Variants in DPP10 observed in about 807,000 individuals in gnomAD.
DPP10 encodes dipeptidyl peptidase like 10.
Under a neutral mutation model 120.9 loss-of-function variants are expected in DPP10, and 33 were observed. The observed-to-expected ratio is 0.27, with a 90% CI of 0.21 to 0.37. DPP10 has a LOEUF of 0.37. Among genes scored for constraint, DPP10 ranks in the 10% least tolerant of loss-of-function variants. The pLI is 1.00. For synonymous variants in DPP10, 337 were observed against 326.1 expected (o/e 1.03, Z -0.36); for missense variants, 816 against 942.8 (o/e 0.87, Z 1.76).
At chr2:114,624,591 C>T (rs998097718) in intron 1 of DPP10, among the ~76,000 whole-genome samples, 1 of 151,798 alleles carries the variant, frequency 6.6e-6, no homozygotes, top group African/African-American at 2.4e-5. Flanking sequence ...TTAAAAGAGA[C>T]ATTTTTAGAC....
intron 21 of DPP10, among the ~76,000 whole-genome samples, chr2:115,827,396 G>A (rs1336139002): frequency 4.8e-5 from 3 of 62,696 alleles, no homozygotes; most frequent in African/African-American, 1.3e-4. Flanking sequence ...AACTGTGTGT[G>A]TGTGTGTATG....
intron 1 of DPP10, among the ~76,000 whole-genome samples, chr2:115,123,374 T>C: frequency 6.6e-6 from 1 of 152,198 alleles, no homozygotes. Flanking sequence ...CCATTTATTC[T>C]TCCCTTGGGG....
chr2:114,808,768 C>T (rs1351586848), intron 1 of DPP10, among the ~76,000 whole-genome samples: 1 of 152,060 alleles, frequency 6.6e-6, no homozygotes, highest in African/African-American at 2.4e-5. Context: ...CCTGCTCTTT[C>T]CTCTCCTGGA....
chr2:114,849,341 A>G (rs111519858), intron 1 of DPP10, among the ~76,000 whole-genome samples: 28 of 150,286 alleles, frequency 1.9e-4, no homozygotes, highest in Non-Finnish European at 4.1e-4. Context: ...CTATATATAT[A>G]TTTTTTTAAA....
At chr2:114,820,294 G>C (rs1240224151) in intron 1 of DPP10, among the ~76,000 whole-genome samples, 1 of 152,244 alleles carries the variant, frequency 6.6e-6, no homozygotes, top group Admixed American at 6.5e-5. Context: ...GTAAGAGGCA[G>C]AGGCAATAAT....
chr2:114,658,256 G>A (rs539982545), intron 1 of DPP10, among the ~76,000 whole-genome samples: 1 of 152,230 alleles, frequency 6.6e-6, no homozygotes, highest in East Asian at 1.9e-4. Context: ...GGAGATAAAG[G>A]ATATTTGACA....
chr2:115,045,765 G>A lies in DPP10; in HGVS notation c.61-263474G>A, dbSNP rs564579709. Among the ~76,000 whole-genome samples the A allele has an allele frequency of 6.6e-5, 10 of 152,196 alleles. No homozygotes were observed. In the South Asian group the frequency reaches 2.1e-3, roughly 32 times the overall value. On this transcript the variant is annotated intron_variant, in intron 1 of 25. Transcript: ENST00000410059. ...ATTGTAATCACTCATCCAAGTTTTG[G>A]TTCTTCTGAAGGTGCTTTCTTGTGT...
chr2:114,937,022 A>AT (rs1470465539), intron 1 of DPP10, among the ~76,000 whole-genome samples: 3 of 151,724 alleles, frequency 2.0e-5, no homozygotes, highest in African/African-American at 4.8e-5. Context: ...GATTGTGAAG[A>AT]TTTTTTTCTC....
At chr2:115,826,443 C>T (rs977521739) in intron 21 of DPP10, among the ~76,000 whole-genome samples, 10 of 152,040 alleles carry the variant, frequency 6.6e-5, no homozygotes, top group African/African-American at 1.2e-4. Flanking sequence ...TGACCTTGGC[C>T]GGGCATGGTG....
chr2:114,646,756 C>T (rs1387665228), intron 1 of DPP10, among the ~76,000 whole-genome samples: 1 of 152,172 alleles, frequency 6.6e-6, no homozygotes, highest in African/African-American at 2.4e-5. Flanking sequence ...TGGTTGTTCT[C>T]TCAAGGGAGT....
chr2:115,589,262 A>G (rs1219318878), intron 5 of DPP10, among the ~76,000 whole-genome samples: 1 of 152,198 alleles, frequency 6.6e-6, no homozygotes, highest in Admixed American at 6.5e-5. Flanking sequence ...TCCATTCACC[A>G]AAATGCAAAT....
intron 1 of DPP10, among the ~76,000 whole-genome samples, chr2:114,452,330 T>C (rs986998716): frequency 2.6e-5 from 4 of 152,172 alleles, no homozygotes; most frequent in African/African-American, 9.6e-5. Context: ...AAAGATACCT[T>C]GTGTTTTTTG....
chr2:115,139,548 T>C (rs2050810883), intron 1 of DPP10, among the ~76,000 whole-genome samples: 1 of 151,814 alleles, frequency 6.6e-6, no homozygotes. Flanking sequence ...AGATCAGTTA[T>C]AAAATGGACA....
At chr2:115,543,376 T>C (rs1046597753) in intron 5 of DPP10, among the ~76,000 whole-genome samples, 14 of 152,072 alleles carry the variant, frequency 9.2e-5, no homozygotes, top group Admixed American at 7.9e-4. Flanking sequence ...GACATCAAAG[T>C]TGACGATGTT....
intron 1 of DPP10, among the ~76,000 whole-genome samples, chr2:114,660,395 A>C (rs1697310743): frequency 6.6e-6 from 1 of 152,208 alleles, no homozygotes; most frequent in Non-Finnish European, 1.5e-5. Context: ...ACCAAAAATC[A>C]GCAATCACAC....
chr2:115,548,421 T>C (rs2079648614), intron 5 of DPP10, among the ~76,000 whole-genome samples: 1 of 152,064 alleles, frequency 6.6e-6, no homozygotes. Flanking sequence ...GAGGTGATAG[T>C]ATTAAAGACG....
intron 1 of DPP10, among the ~76,000 whole-genome samples, chr2:115,068,341 T>C (rs1707095283): frequency 1.3e-5 from 2 of 152,100 alleles, no homozygotes; most frequent in African/African-American, 4.8e-5. Flanking sequence ...TTTTTTTTTT[T>C]CATGTACCTA....
chr2:115,699,420 GGTGAAA>G (rs2091783561), intron 7 of DPP10, among the ~76,000 whole-genome samples: 1 of 152,104 alleles, frequency 6.6e-6, no homozygotes, highest in African/African-American at 2.4e-5. Context: ...TGGCCAACAT[GGTGAAA>G]CCCTGTCTCT....
At chr2:114,664,623 T>C (rs1440335371) in intron 1 of DPP10, among the ~76,000 whole-genome samples, 2 of 109,264 alleles carry the variant, frequency 1.8e-5, no homozygotes, top group Non-Finnish European at 3.4e-5. Context: ...CGAGACTCCG[T>C]CTCAAAAAAA....
Sources: gnomAD v4.1 joint callset for allele counts (sites outside exome capture counted in the v4.1 genomes callset) on GRCh38, gnomAD v4.1.1 for gene constraint, MANE v1.5 for transcripts, NCBI Gene and HGNC (gene_info 2026-07-23, HGNC 2026-07-21) for gene names.